The following NRG1 variants were observed in gnomAD, a reference collection of about 807,000 sequenced individuals.
The protein encoded by NRG1 is pro-neuregulin-1, membrane-bound isoform.
A neutral mutation model predicts 63.8 loss-of-function variants in NRG1; 18 were observed. The observed-to-expected ratio is 0.28, with a 90% CI of 0.19 to 0.42. NRG1 has a LOEUF of 0.42. Ranked by LOEUF, NRG1 falls within the 10% of genes least tolerant of loss-of-function variation. The pLI is 1.00. For synonymous variants in NRG1, 302 were observed against 301.3 expected (o/e 1.00, Z -0.02); for missense variants, 762 against 814.7 (o/e 0.94, Z 0.79).
chr8:32,474,803 C>T (rs535065876), intron 1 of NRG1, among the ~76,000 whole-genome samples: 16 of 152,066 alleles, frequency 1.1e-4, no homozygotes, highest in Admixed American at 1.3e-4. Flanking sequence ...TGTGCCCGGC[C>T]GATATTCCTG....
intron 1 of NRG1, among the ~76,000 whole-genome samples, chr8:32,033,663 C>T (rs1241890398): frequency 1.3e-5 from 2 of 152,140 alleles, no homozygotes; most frequent in African/African-American, 2.4e-5. Context: ...AGGTCCTTCA[C>T]TTCCCTTGTT....
intron 1 of NRG1, among the ~76,000 whole-genome samples, chr8:31,763,972 C>G (rs1271571002): frequency 1.4e-5 from 2 of 144,878 alleles, no homozygotes; most frequent in African/African-American, 5.2e-5. Flanking sequence ...CGCCACCACA[C>G]TCCAGCCTGG....
At chr8:32,672,201 C>T (rs542643891) in intron 5 of NRG1, among the ~76,000 whole-genome samples, 11 of 152,088 alleles carry the variant, frequency 7.2e-5, no homozygotes, top group South Asian at 4.2e-4. Context: ...CGTGCCACCA[C>T]GCCCCACTAA....
chr8:32,646,643 C>A, intron 5 of NRG1: 1 of 969,956 alleles, frequency 1.0e-6, no homozygotes, highest in Non-Finnish European at 1.2e-6. Flanking sequence ...AGACTGAAAG[C>A]TGGCAAGGTG....
chr8:31,648,404 T>C (rs1420019112), intron 1 of NRG1, among the ~76,000 whole-genome samples: 1 of 152,042 alleles, frequency 6.6e-6, no homozygotes, highest in Non-Finnish European at 1.5e-5. Flanking sequence ...AGTGCTGGGA[T>C]TACAGGCGTG....
At chr8:32,442,591 A>G (rs1819697473) in intron 1 of NRG1, 1 of 152,194 alleles carries the variant, frequency 6.6e-6, no homozygotes, top group East Asian at 1.9e-4. Context: ...CCTTTTTAAA[A>G]ATTTTCAGAT....
Position 31,977,463 on chromosome 8 carries a change from C to T in NRG1, c.37+338032C>T, listed in dbSNP as rs969061642. Among the ~76,000 whole-genome samples the T allele has an allele frequency of 6.6e-5, 10 of 151,840 alleles. No homozygotes were observed. In the South Asian group the frequency reaches 8.3e-4, roughly 13 times the overall value. On this transcript the variant is annotated intron_variant, in intron 1 of 10. Coordinates refer to the NRG1 transcript ENST00000519301. ...ATCTTTTTAGTTTTATTTCTAGTGC[C>T]GCCATCTCAGACCTCTACTAATTCA...
intron 1 of NRG1, among the ~76,000 whole-genome samples, chr8:31,710,142 C>T (rs1352031652): frequency 7.2e-5 from 11 of 151,728 alleles, no homozygotes; most frequent in African/African-American, 2.2e-4. Context: ...TATCAGATTG[C>T]ATAACTCTTT....
intron 1 of NRG1, among the ~76,000 whole-genome samples, chr8:32,531,052 T>C (rs1450526674): frequency 6.6e-6 from 1 of 151,584 alleles, no homozygotes; most frequent in Non-Finnish European, 1.5e-5. Context: ...GAGCAGAGAC[T>C]ATACCACTGC....
In NRG1 at chr8:31,652,685, G is replaced by A. The variant is rs118171547; in HGVS notation, c.37+13254G>A. 1.8e-4 allele frequency among the ~76,000 whole-genome samples: 27 copies of A among 152,184 alleles called. No individual in the cohort carries two copies. The South Asian group carries it at 2.1e-3, about 12-fold the overall frequency. On this transcript the variant is annotated intron_variant, in intron 1 of 10. Transcript: ENST00000519301. Reference sequence around the variant, plus strand: ...GTCATTTCAGATTGACTGTCCTTCCGTGGAATGGTTAAATAACACTGGATA... The same window carrying A: ...GTCATTTCAGATTGACTGTCCTTCCATGGAATGGTTAAATAACACTGGATA...
In NRG1 at chr8:31,814,444, T is replaced by C. The variant is rs140378106; in HGVS notation, c.37+175013T>C. Reference sequence around the variant, plus strand: ...GACTTGAAACCACTTTGTAGATTTTTTGGGAGAGCTAAATTAGGTAATGCA... The same window carrying C: ...GACTTGAAACCACTTTGTAGATTTTCTGGGAGAGCTAAATTAGGTAATGCA... On this transcript the variant is annotated intron_variant, in intron 1 of 10. Coordinates refer to the NRG1 transcript ENST00000519301. Among the ~76,000 whole-genome samples, 608 of 152,258 alleles carry C rather than the reference T, an allele frequency of 4.0e-3. 6 individuals are homozygous for C. Among genetic ancestry groups the C allele is most frequent in the African/African-American group, 0.014 (578 of 41,550 alleles).
At chr8:32,141,743 A>G (rs928985622) in intron 1 of NRG1, among the ~76,000 whole-genome samples, 1 of 151,554 alleles carries the variant, frequency 6.6e-6, no homozygotes, top group Non-Finnish European at 1.5e-5. Context: ...ATCAGCATAC[A>G]CATTCGTTCC....
chr8:31,957,699 A>G (rs1022210348), intron 1 of NRG1, among the ~76,000 whole-genome samples: 4 of 151,676 alleles, frequency 2.6e-5, no homozygotes, highest in African/African-American at 7.3e-5. Flanking sequence ...AATTCAGTCA[A>G]GCCCACATTT....
intron 5 of NRG1, among the ~76,000 whole-genome samples, chr8:32,634,385 T>A (rs561308952): frequency 6.6e-6 from 1 of 152,350 alleles, no homozygotes; most frequent in South Asian, 2.1e-4. Context: ...TCTTCCTTCA[T>A]CTTGTTGATG....
At position 32,181,916 on chromosome 8, in the gene NRG1, AC is replaced by A. The variant is rs556010421; in HGVS notation, c.38-413910del. ...ATAATGTGCTGGGAGATTATAAATA[AC>A]CTTAACTAACAGTAAAAAAAATTGT... On this transcript the variant is annotated intron_variant, in intron 1 of 10. Coordinates refer to the NRG1 transcript ENST00000519301. Among the ~76,000 whole-genome samples, 120 of 152,246 alleles carry A rather than the reference AC, an allele frequency of 7.9e-4. 1 individual carries two copies. Among genetic ancestry groups the A allele is most frequent in the Non-Finnish European group, 1.6e-3 (111 of 68,032 alleles).
intron 1 of NRG1, among the ~76,000 whole-genome samples, chr8:31,735,410 C>T (rs1814562085): frequency 6.6e-6 from 1 of 152,084 alleles, no homozygotes; most frequent in Non-Finnish European, 1.5e-5. Flanking sequence ...ACTGTCTTCC[C>T]TTGATGTTAA....
chr8:31,721,752 A>G (rs1398028629), intron 1 of NRG1, among the ~76,000 whole-genome samples: 1 of 152,094 alleles, frequency 6.6e-6, no homozygotes, highest in African/African-American at 2.4e-5. Context: ...CGCATGTTGC[A>G]GTTCCATCTC....
intron 1 of NRG1, among the ~76,000 whole-genome samples, chr8:32,422,971 T>C (rs916381898): frequency 7.9e-5 from 12 of 152,230 alleles, no homozygotes; most frequent in African/African-American, 2.9e-4. Flanking sequence ...ACACTCTCCA[T>C]GTGTGAGATC....
At chr8:32,587,797 A>G (rs952295669) in intron 1 of NRG1, among the ~76,000 whole-genome samples, 1 of 152,160 alleles carries the variant, frequency 6.6e-6, no homozygotes, top group Admixed American at 6.5e-5. Flanking sequence ...CAGTCAGGAA[A>G]TAGCCTAACC....
Sources: allele counts gnomAD v4.1 joint callset (sites outside exome capture counted in the v4.1 genomes callset), GRCh38; gene constraint gnomAD v4.1.1; transcripts MANE v1.5; gene names NCBI Gene and HGNC (gene_info 2026-07-23, HGNC 2026-07-21).